The following EIF2S3 variants were observed in gnomAD, a reference collection of about 807,000 sequenced individuals.
The protein encoded by EIF2S3 is eukaryotic translation initiation factor 2 subunit gamma.
EIF2S3 carries 2 observed loss-of-function variants against 31.7 expected under a neutral mutation model. That is an observed-to-expected ratio of 0.06 (90% CI 0.03 to 0.20). The LOEUF is 0.20. Ranked by LOEUF, EIF2S3 falls within the 10% of genes least tolerant of loss-of-function variation. EIF2S3 has a pLI of 1.00. For missense variants in EIF2S3, 96 were observed against 359.3 expected, an observed-to-expected ratio of 0.27 and a Z score of 5.92; for synonymous variants, 120 against 126.7, an observed-to-expected ratio of 0.95 and a Z score of 0.36.
chrX:24,059,331 A>G (rs1299952669), intron 4 of EIF2S3, among the ~76,000 whole-genome samples: 1 of 112,162 alleles, frequency 8.9e-6, no homozygotes, highest in African/African-American at 3.2e-5. Flanking sequence ...AATGAATACC[A>G]TAGTTTTGTT....
In EIF2S3 at chrX:24,057,063, G is replaced by C. The variant is rs770043549; in HGVS notation, c.134-358G>C. ...ATTTATTTATTTGCGACGGAGTCTCGCTCTGTTGCCAGGCTGGAGTGCAGT... is the reference window on the plus strand; with the variant it reads ...ATTTATTTATTTGCGACGGAGTCTCCCTCTGTTGCCAGGCTGGAGTGCAGT... On this transcript the variant is annotated intron_variant, in intron 2 of 11. Coordinates refer to ENST00000253039, the MANE Select transcript of EIF2S3 (RefSeq NM_001415.4). Among the ~76,000 whole-genome samples the C allele has an allele frequency of 1.6e-4, 18 of 112,048 alleles. No individual in the cohort carries two copies. The South Asian group carries it at 6.5e-3, about 40-fold the overall frequency.
At chrX:24,060,399 G>T (rs76608579) in intron 5 of EIF2S3, 1 of 393,606 alleles carries the variant, frequency 2.5e-6, no homozygotes, top group Non-Finnish European at 4.4e-6. Flanking sequence ...GAATTCTTGT[G>T]GTAGCATTTG....
chrX:24,072,370 G>A (rs1011351708), intron 10 of EIF2S3, among the ~76,000 whole-genome samples: 6 of 111,057 alleles, frequency 5.4e-5, no homozygotes, highest in African/African-American at 1.6e-4. Context: ...CAGCAGCCTC[G>A]ATCTCCCAGC....
chrX:24,073,431 G>A lies in EIF2S3; in HGVS notation c.1355+168G>A, dbSNP rs182687602. On this transcript the variant is annotated intron_variant, in intron 11 of 11. Transcript: ENST00000253039. ...ACTTCGGCCGGGTGCGGTGGCTCAC[G>A]CCTGTAATCCCAGCACTTTGGGAGG... 6.4e-4 allele frequency: 388 copies of A among 603,242 alleles called. 3 individuals carry two copies. The African/African-American group carries it at 8.4e-3, about 13-fold the overall frequency. The allele number at this position is 603,242 out of a possible 1,213,427, so 49.7% of individuals were successfully genotyped here. A position where few individuals can be genotyped will look rare whatever the true frequency, so the allele number is the denominator to read the frequency against.
chrX:24,073,013 A>G, intron 10 of EIF2S3, 78 bp from the exon 11 acceptor site: 1 of 1,030,997 alleles, frequency 9.7e-7, no homozygotes, highest in Non-Finnish European at 1.3e-6. Flanking sequence ...TCCCAATAGT[A>G]TTTGGTAAAT....
At chrX:24,061,654 C>T (rs1432679952) in intron 5 of EIF2S3, among the ~76,000 whole-genome samples, 1 of 110,904 alleles carries the variant, frequency 9.0e-6, no homozygotes, top group Non-Finnish European at 1.9e-5. Flanking sequence ...CATTAGAGTG[C>T]TCAACAAAAC....
At chrX:24,058,186 T>C (rs749343416) in intron 4 of EIF2S3, among the ~76,000 whole-genome samples, 2 of 111,916 alleles carry the variant, frequency 1.8e-5, no homozygotes, top group African/African-American at 6.5e-5. Flanking sequence ...TGTCTAGTGA[T>C]GTTTATGGGG....
intron 8 of EIF2S3, 40 bp from the exon 9 acceptor site, chrX:24,067,924 C>G: frequency 1.8e-6 from 2 of 1,134,217 alleles, no homozygotes; most frequent in Non-Finnish European, 2.4e-6. Context: ...GATAATTTTG[C>G]GTAACACAGT....
chrX:24,064,947 G>A (rs1011966503), intron 7 of EIF2S3, among the ~76,000 whole-genome samples: 15 of 111,928 alleles, frequency 1.3e-4, no homozygotes, highest in Non-Finnish European at 1.9e-4. Context: ...AGAACTTCCT[G>A]ACTAAAACAT....
intron 1 of EIF2S3, among the ~76,000 whole-genome samples, chrX:24,055,250 C>T (rs978174690): frequency 1.8e-5 from 2 of 111,793 alleles, no homozygotes; most frequent in African/African-American, 3.3e-5. Flanking sequence ...CGTGGGACTT[C>T]TAGCTTCTGG....
intron 8 of EIF2S3, among the ~76,000 whole-genome samples, chrX:24,066,810 G>A (rs952339098): frequency 2.7e-5 from 3 of 111,976 alleles, no homozygotes; most frequent in East Asian, 2.8e-4. Context: ...CACTTTGCCC[G>A]GCCTATATAC....
chrX:24,055,873 C>T (rs1462476546), intron 2 of EIF2S3, among the ~76,000 whole-genome samples, 195 bp downstream of exon 2: 1 of 111,300 alleles, frequency 9.0e-6, no homozygotes, highest in Non-Finnish European at 1.9e-5. Context: ...CTTACAGACT[C>T]GGTAAGAAGA....
Position 24,068,012 on chromosome X carries a change from G to A in EIF2S3, c.916G>A (p.Glu306Lys), listed in dbSNP as rs1930605321. The A allele has an allele frequency of 8.3e-7, 1 of 1,202,976 alleles. No individual in the cohort carries two copies. The highest frequency in any genetic ancestry group is 1.1e-6 in the Non-Finnish European group (1 of 890,604). ...ACCTGGTATTGTTTCCAAAGATAGT[G>A]AAGGAAAACTCATGTGTAAACCAAT... ...VRPGIVSKDS[E>K]GKLMCKPIFS... Residue 306 changes from glutamate (E) to lysine (K), a missense_variant, in exon 9 of 12, where the codon GAA becomes AAA. Glu to Lys is a moderately conservative substitution (Grantham distance 56). Coordinates refer to ENST00000253039, the MANE Select transcript of EIF2S3 (RefSeq NM_001415.4).
At chrX:24,061,171 C>T (rs757296174) in intron 5 of EIF2S3, among the ~76,000 whole-genome samples, 6 of 105,622 alleles carry the variant, frequency 5.7e-5, no homozygotes, top group South Asian at 4.3e-4. Context: ...GCACGAGAAT[C>T]GCTTGAACCC....
At chrX:24,075,109 CCCTCCTTGGCCT>C in intron 11 of EIF2S3, among the ~76,000 whole-genome samples, 1 of 110,106 alleles carries the variant, frequency 9.1e-6, no homozygotes, top group African/African-American at 3.3e-5. Flanking sequence ...AGGTGATCCG[CCCTCCTTGGCCT>C]CCCAAAGTGC....
At chrX:24,070,439 G>GTTTTTTTTTTTTTTTTTTTTTTTTTTTT in intron 9 of EIF2S3, among the ~76,000 whole-genome samples, 1 of 50,973 alleles carries the variant, frequency 2.0e-5, no homozygotes, top group Non-Finnish European at 3.2e-5. Flanking sequence ...ATCATATGTA[G>GTTTTTTTTTTTTTTTTTTTTTTTTTTTT]TTTTTTTTTT....
intron 9 of EIF2S3, among the ~76,000 whole-genome samples, chrX:24,070,210 T>C (rs1461476754): frequency 9.5e-6 from 1 of 105,448 alleles, no homozygotes; most frequent in East Asian, 3.1e-4. Flanking sequence ...AAAAAAAATT[T>C]AGTCAGGTGT....
intron 10 of EIF2S3, 68 bp downstream of exon 10, chrX:24,071,795 G>C: frequency 9.5e-7 from 1 of 1,051,768 alleles, no homozygotes; most frequent in Non-Finnish European, 1.3e-6. Flanking sequence ...CCAGTGTTGA[G>C]TTTTATTGTT....
rs1230580744 is a variant in EIF2S3, at chrX:24,076,924, CTCTTTTTTTT to C, written c.*141_*150del. The C allele has an allele frequency of 2.7e-3, 318 of 117,611 alleles. 1 individual carries two copies. The highest frequency in any genetic ancestry group is 0.024 in the African/African-American group (262 of 11,094). 9.7% of individuals were successfully genotyped at this position (117,611 alleles called of 1,213,427 possible). Reference sequence around the variant, plus strand: ...CTTAGTAGGTAACGGTAAGGTTATTCTCTTTTTTTTTTTTTTTTTTTTTGGTTATGAAAAC... The same window carrying C: ...CTTAGTAGGTAACGGTAAGGTTATTCTTTTTTTTTTTTTGGTTATGAAAAC... On this transcript the variant is annotated 3_prime_UTR_variant, in exon 12 of 12. Coordinates refer to ENST00000253039, the MANE Select transcript of EIF2S3 (RefSeq NM_001415.4).
Sources: gnomAD v4.1 joint callset for allele counts (sites outside exome capture counted in the v4.1 genomes callset) on GRCh38, gnomAD v4.1.1 for gene constraint, MANE v1.5 for transcripts, NCBI Gene and HGNC (gene_info 2026-07-23, HGNC 2026-07-21) for gene names.